Variants in ADAMTS17 observed in about 807,000 individuals in gnomAD.
ADAMTS17 encodes A disintegrin and metalloproteinase with thrombospondin motifs 17.
ADAMTS17 carries 113 observed loss-of-function variants against 141.5 expected under a neutral mutation model. That is an observed-to-expected ratio of 0.80 (90% confidence interval 0.69 to 0.93). ADAMTS17 has a LOEUF of 0.93. Ranked by LOEUF, ADAMTS17 falls within the 40% of genes least tolerant of loss-of-function variation. The pLI is 0.00. For missense variants in ADAMTS17, 1,659 were observed against 1,517.9 expected, an observed-to-expected ratio of 1.09 and a Z score of -1.54; for synonymous variants, 768 against 630.6, an observed-to-expected ratio of 1.22 and a Z score of -3.27.
intron 3 of ADAMTS17, among the ~76,000 whole-genome samples, chr15:100,308,664 A>C (rs1039639322): frequency 6.6e-6 from 1 of 152,198 alleles, no homozygotes; most frequent in Non-Finnish European, 1.5e-5. Flanking sequence ...AAAAAAAGTA[A>C]TGGGAAAGGA....
intron 12 of ADAMTS17, among the ~76,000 whole-genome samples, chr15:100,124,378 G>T (rs2037612110): frequency 6.6e-6 from 1 of 152,226 alleles, no homozygotes; most frequent in South Asian, 2.1e-4. Flanking sequence ...GGAAACAGAA[G>T]TTCGGCCTCA....
intron 15 of ADAMTS17, among the ~76,000 whole-genome samples, chr15:100,073,463 C>T (rs186600742): frequency 0.039 from 5,940 of 152,070 alleles, 164 homozygotes; most frequent in South Asian, 0.11. Context: ...CACATGCACA[C>T]GTATGTTTAT....
At chr15:100,146,349 T>C (rs969378044) in intron 10 of ADAMTS17, among the ~76,000 whole-genome samples, 2 of 152,258 alleles carry the variant, frequency 1.3e-5, no homozygotes, top group Non-Finnish European at 2.9e-5. Flanking sequence ...ATTAATACTT[T>C]TATAATTTCT....
intron 8 of ADAMTS17, among the ~76,000 whole-genome samples, chr15:100,174,369 C>T (rs930778985): frequency 6.6e-6 from 1 of 151,900 alleles, no homozygotes; most frequent in Non-Finnish European, 1.5e-5. Flanking sequence ...GAACAAAGTT[C>T]AGGAACTGTA....
chr15:100,244,233 C>T (rs1383977477), intron 7 of ADAMTS17, among the ~76,000 whole-genome samples: 1 of 151,754 alleles, frequency 6.6e-6, no homozygotes. Flanking sequence ...TCAATTACCT[C>T]CCACCAGGTC....
At chr15:100,183,300 T>C (rs2040589385) in intron 8 of ADAMTS17, among the ~76,000 whole-genome samples, 1 of 152,202 alleles carries the variant, frequency 6.6e-6, no homozygotes, top group South Asian at 2.1e-4. Context: ...GGATTCCTGA[T>C]ACAAGCTTAT....
At chr15:100,070,817 A>G (rs62043187) in intron 15 of ADAMTS17, among the ~76,000 whole-genome samples, 27,676 of 148,780 alleles carry the variant, frequency 0.19, 4,022 homozygotes, top group East Asian at 0.53. Context: ...ACACCCTAAC[A>G]TCACAATTAA....
intron 19 of ADAMTS17, among the ~76,000 whole-genome samples, chr15:99,996,617 G>A (rs28490341): frequency 0.012 from 1,779 of 152,180 alleles, 41 homozygotes; most frequent in African/African-American, 0.04. Context: ...AAAAATGGGC[G>A]GAATACTTTT....
intron 21 of ADAMTS17, among the ~76,000 whole-genome samples, chr15:99,974,857 ATTTTGTGGCC>A (rs2060288743): frequency 6.6e-6 from 1 of 152,224 alleles, no homozygotes. Flanking sequence ...GGCACTTACT[ATTTTGTGGCC>A]AAGGGTACCA....
intron 18 of ADAMTS17, among the ~76,000 whole-genome samples, chr15:100,026,290 G>A (rs914688388): frequency 6.6e-6 from 1 of 152,184 alleles, no homozygotes; most frequent in African/African-American, 2.4e-5. Context: ...CCATTGTACT[G>A]TGGATGTGCA....
At chr15:100,082,959 G>A (rs978462060) in intron 15 of ADAMTS17, among the ~76,000 whole-genome samples, 20 of 151,946 alleles carry the variant, frequency 1.3e-4, no homozygotes, top group Admixed American at 9.2e-4. Context: ...ATGAAGAGGC[G>A]TTTCCTAGAG....
At chr15:100,124,433 A>G (rs2037615051) in intron 12 of ADAMTS17, among the ~76,000 whole-genome samples, 1 of 152,248 alleles carries the variant, frequency 6.6e-6, no homozygotes, top group Non-Finnish European at 1.5e-5. Context: ...ATACTGCTAC[A>G]CACGCATCCG....
At chr15:100,103,186 G>A (rs986889287) in intron 14 of ADAMTS17, among the ~76,000 whole-genome samples, 12 of 152,304 alleles carry the variant, frequency 7.9e-5, no homozygotes, top group Middle Eastern at 6.8e-3. Flanking sequence ...AAAAAGGGGT[G>A]CAGGGAATGA....
chr15:99,994,851 A>C lies in ADAMTS17; in HGVS notation c.2797-1651T>G, dbSNP rs554575495. On this transcript the variant is annotated intron_variant, in intron 19 of 21. Coordinates refer to ENST00000268070, the MANE Select transcript of ADAMTS17 (RefSeq NM_139057.4). ...AGTGCTGGGATTACAGGTGCGAGCCATTGCGCCTCGCAGCTCTTTCTTACG... is the reference window on the plus strand; with the variant it reads ...AGTGCTGGGATTACAGGTGCGAGCCCTTGCGCCTCGCAGCTCTTTCTTACG... 6.6e-5 allele frequency among the ~76,000 whole-genome samples: 10 copies of C among 152,382 alleles called. No individual in the cohort carries two copies. The South Asian group carries it at 2.1e-3, about 32-fold the overall frequency.
intron 18 of ADAMTS17, among the ~76,000 whole-genome samples, chr15:100,001,727 T>C (rs1387944804): frequency 6.6e-6 from 1 of 151,906 alleles, no homozygotes; most frequent in African/African-American, 2.4e-5. Context: ...TCCCAGCATT[T>C]TGGGAGGCCA....
intron 21 of ADAMTS17, among the ~76,000 whole-genome samples, 186 bp downstream of exon 21, chr15:99,975,859 C>T (rs975313080): frequency 4.0e-5 from 5 of 126,388 alleles, no homozygotes; most frequent in Admixed American, 8.0e-5. Flanking sequence ...GCAAACACCA[C>T]TTCCATAACA....
intron 14 of ADAMTS17, among the ~76,000 whole-genome samples, chr15:100,097,711 G>C (rs1290980380): frequency 1.3e-5 from 2 of 152,244 alleles, no homozygotes. Context: ...GACCCAGCAG[G>C]TCTGGGTGCA....
intron 18 of ADAMTS17, among the ~76,000 whole-genome samples, chr15:100,041,266 C>T (rs1453997331): frequency 1.3e-5 from 2 of 152,172 alleles, no homozygotes; most frequent in Non-Finnish European, 2.9e-5. Flanking sequence ...TTCTGAATCA[C>T]TCTAATTCAA....
chr15:100,244,306 C>A (rs565635008), intron 7 of ADAMTS17, among the ~76,000 whole-genome samples: 2 of 149,338 alleles, frequency 1.3e-5, no homozygotes, highest in South Asian at 2.2e-4. Flanking sequence ...ACAGCCAAAC[C>A]GTATCAGTAA....
Sources: allele counts gnomAD v4.1 joint callset (sites outside exome capture counted in the v4.1 genomes callset), GRCh38; gene constraint gnomAD v4.1.1; transcripts MANE v1.5; gene names NCBI Gene and HGNC (gene_info 2026-07-23, HGNC 2026-07-21).